The following AASS variants were observed in gnomAD, a reference collection of about 807,000 sequenced individuals.
The protein encoded by AASS is alpha-aminoadipic semialdehyde synthase, mitochondrial.
In AASS, 86 loss-of-function variants were observed where a neutral mutation model predicts 105.4. That is an observed-to-expected ratio of 0.82 (90% CI 0.69 to 0.98). The LOEUF (loss-of-function observed/expected upper bound fraction) is 0.98, where lower values mean the gene tolerates loss of function less well. AASS is among the 50% of genes least tolerant of loss of function. The pLI is 0.00. For missense variants in AASS, 1,048 were observed against 1,143.2 expected (o/e 0.92, Z 1.20); for synonymous variants, 381 against 394.8 (o/e 0.96, Z 0.41).
At chr7:122,081,942 G>A (rs1485985615) in intron 19 of AASS, among the ~76,000 whole-genome samples, 4 of 152,066 alleles carry the variant, frequency 2.6e-5, no homozygotes, top group East Asian at 1.9e-4. Context: ...TGGAATTTTC[G>A]GGCAGCATAA....
At chr7:122,105,439 T>A (rs1240996780) in intron 11 of AASS, among the ~76,000 whole-genome samples, 1 of 152,104 alleles carries the variant, frequency 6.6e-6, no homozygotes, top group Non-Finnish European at 1.5e-5. Flanking sequence ...TCTTCTCTAG[T>A]ACATATAGAA....
intron 15 of AASS, among the ~76,000 whole-genome samples, chr7:122,096,066 T>A (rs1794140743): frequency 6.6e-6 from 1 of 152,130 alleles, no homozygotes; most frequent in Non-Finnish European, 1.5e-5. Context: ...CAATGGGACA[T>A]ACTCTTAAAT....
intron 1 of AASS, among the ~76,000 whole-genome samples, chr7:122,143,740 A>G (rs944278129): frequency 6.6e-6 from 1 of 151,996 alleles, no homozygotes; most frequent in Non-Finnish European, 1.5e-5. Flanking sequence ...CGTCCCCTCT[A>G]AGCACGCCGT....
At chr7:122,082,989 A>C in intron 19 of AASS, 1 of 618,186 alleles carries the variant, frequency 1.6e-6, no homozygotes, top group Non-Finnish European at 2.7e-6. Flanking sequence ...AATGGGAAGC[A>C]GGGTGAGAAG....
intron 4 of AASS, among the ~76,000 whole-genome samples, chr7:122,121,891 T>A (rs181620148): frequency 2.0e-4 from 31 of 152,104 alleles, no homozygotes; most frequent in African/African-American, 7.2e-4. Flanking sequence ...TCTAGAAAGA[T>A]GTCCAGAAAG....
intron 15 of AASS, among the ~76,000 whole-genome samples, chr7:122,095,411 T>G (rs1794103112): frequency 6.6e-6 from 1 of 151,986 alleles, no homozygotes; most frequent in African/African-American, 2.4e-5. Flanking sequence ...CTAGGAATAA[T>G]AAAATACTCT....
chr7:122,077,708 G>A (rs1451366149), intron 23 of AASS, 130 bp downstream of exon 23: 2 of 1,200,380 alleles, frequency 1.7e-6, no homozygotes, highest in East Asian at 4.7e-5. Context: ...GTCCGCGCTT[G>A]GATCTTCTAA....
At chr7:122,126,224 C>T (rs1014783289) in intron 4 of AASS, 151 bp downstream of exon 4, 4 of 754,804 alleles carry the variant, frequency 5.3e-6, no homozygotes, top group African/African-American at 3.5e-5. Context: ...TACTTTATTC[C>T]ACTTGTATTC....
chr7:122,105,170 T>G (rs988502538), intron 11 of AASS, among the ~76,000 whole-genome samples: 10 of 152,020 alleles, frequency 6.6e-5, no homozygotes, highest in Admixed American at 5.9e-4. Context: ...CATTAAGAAG[T>G]CATAGCAATT....
intron 11 of AASS, among the ~76,000 whole-genome samples, chr7:122,106,284 G>T (rs1794659933): frequency 1.3e-5 from 2 of 151,966 alleles, no homozygotes; most frequent in South Asian, 4.1e-4. Context: ...CATCCTTGTT[G>T]CCAGTTTTCA....
chr7:122,085,408 T>C (rs2150511408), intron 19 of AASS, among the ~76,000 whole-genome samples: 1 of 152,226 alleles, frequency 6.6e-6, no homozygotes, highest in African/African-American at 2.4e-5. Context: ...TAGAATGTAC[T>C]CCCCATTTTG....
intron 4 of AASS, among the ~76,000 whole-genome samples, chr7:122,119,171 C>T (rs576296654): frequency 2.0e-5 from 3 of 152,108 alleles, no homozygotes; most frequent in South Asian, 2.1e-4. Flanking sequence ...TTTGTTGAAA[C>T]GAAGAGTGCC....
chr7:122,091,892 ATGTC>A, intron 17 of AASS, 49 bp from the exon 18 acceptor site: 1 of 1,281,782 alleles, frequency 7.8e-7, no homozygotes, highest in Non-Finnish European at 1.1e-6. Flanking sequence ...AACTTAGAGA[ATGTC>A]TAAGTAATTA....
chr7:122,082,760 G>A (rs189914316), intron 19 of AASS: 83 of 1,175,436 alleles, frequency 7.1e-5, no homozygotes, highest in Non-Finnish European at 9.4e-5. Context: ...AAACATAGCT[G>A]TGGGAGCACA....
Position 122,101,669 on chromosome 7 carries a change from G to T in AASS, c.1290C>A (p.Asp430Glu), listed in dbSNP as rs146679922. 1 of 1,610,892 alleles carries T rather than the reference G, an allele frequency of 6.2e-7. No individual in the cohort carries two copies. ...TCTGACTTTCAAGAGGCTGTGTCGCGTCTGATAATATCTGAAAGGAAAATG... is the reference window on the plus strand; with the variant it reads ...TCTGACTTTCAAGAGGCTGTGTCGCTTCTGATAATATCTGAAAGGAAAATG... The part of the protein sequence containing the change: ...YPYVEEMILS[D>E]ATQPLESQNF... The change falls in exon 12 of 24, where the codon GAC becomes GAA. Residue 430 changes from aspartate to glutamate, a missense_variant. Physicochemically the swap from Asp to Glu is conservative, Grantham distance 45 (BLOSUM62 2). Coordinates refer to ENST00000417368, the MANE Select transcript of AASS (RefSeq NM_005763.4).
chr7:122,085,730 A>T (rs937768511), intron 19 of AASS, among the ~76,000 whole-genome samples: 1 of 152,098 alleles, frequency 6.6e-6, no homozygotes, highest in African/African-American at 2.4e-5. Flanking sequence ...TGGAAAGAAG[A>T]GCTGAGACGT....
At chr7:122,127,276 A>C (rs1347344417) in intron 3 of AASS, among the ~76,000 whole-genome samples, 1 of 152,128 alleles carries the variant, frequency 6.6e-6, no homozygotes, top group African/African-American at 2.4e-5. Context: ...TCAGGAAAGC[A>C]TTAGTAATTC....
At chr7:122,111,890 C>T (rs182370259) in intron 11 of AASS, among the ~76,000 whole-genome samples, 60 of 151,922 alleles carry the variant, frequency 3.9e-4, no homozygotes, top group Admixed American at 2.9e-3. Context: ...GGCAACAGGG[C>T]GAGAATCTGT....
At position 122,074,369 on chromosome 7, in the gene AASS, T is replaced by C. The variant is rs936846463; in HGVS notation, c.*2120A>G. On this transcript the variant is annotated 3_prime_UTR_variant, in exon 24 of 24. Coordinates refer to ENST00000417368, the MANE Select transcript of AASS (RefSeq NM_005763.4). Reference sequence around the variant, plus strand: ...TATTGTAACAGTTCTTTACATATTCTAAATACAAATTCCTCCCTTAACTAA... The same window carrying C: ...TATTGTAACAGTTCTTTACATATTCCAAATACAAATTCCTCCCTTAACTAA... Among the ~76,000 whole-genome samples the C allele has an allele frequency of 6.6e-6, 1 of 152,220 alleles. No individual in the cohort carries two copies. Among genetic ancestry groups the C allele is most frequent in the Non-Finnish European group, 1.5e-5 (1 of 68,040 alleles).
Sources: gnomAD v4.1 joint callset for allele counts (sites outside exome capture counted in the v4.1 genomes callset) on GRCh38, gnomAD v4.1.1 for gene constraint, MANE v1.5 for transcripts, NCBI Gene and HGNC (gene_info 2026-07-23, HGNC 2026-07-21) for gene names.